Variants in RAPGEF4 observed in about 807,000 individuals in gnomAD.
The protein encoded by RAPGEF4 is RAP guanine-nucleotide-exchange factor (GEF) 4.
A neutral mutation model predicts 147.9 loss-of-function variants in RAPGEF4; 66 were observed. That is an observed-to-expected ratio of 0.45 (90% CI 0.37 to 0.55). The LOEUF is 0.55. Ranked by LOEUF, RAPGEF4 falls within the 20% of genes least tolerant of loss-of-function variation. The pLI is 0.00. For missense variants in RAPGEF4, 1,071 were observed against 1,257.3 expected (o/e 0.85, Z 2.24); for synonymous variants, 419 against 442.7 (o/e 0.95, Z 0.67).
In RAPGEF4 at chr2:172,826,374, T is replaced by C. The variant is rs578241019; in HGVS notation, c.444+11949T>C. ...TTACCAATAAGTTTTAATGAAACAG[T>C]TTTTCATTTTTAGGCCTTTGCTATT... On this transcript the variant is annotated intron_variant, in intron 4 of 30. Coordinates refer to ENST00000397081, the MANE Select transcript of RAPGEF4 (RefSeq NM_007023.4). 7.2e-5 allele frequency among the ~76,000 whole-genome samples: 11 copies of C among 152,354 alleles called. 1 individual carries two copies. Among genetic ancestry groups the C allele is most frequent in the African/African-American group, 2.6e-4 (11 of 41,588 alleles).
chr2:172,811,235 A>G lies in RAPGEF4; in HGVS notation c.298-3044A>G, dbSNP rs909105329. On this transcript the variant is annotated intron_variant, in intron 3 of 30. Transcript: ENST00000397081. The stretch of plus-strand genomic sequence containing the variant: ...TCGAGGTGGCACACTGCACAGAGCC[A>G]TCCAGAAAGCTACAGATGACATCAG... Among the ~76,000 whole-genome samples the G allele has an allele frequency of 7.9e-5, 12 of 152,376 alleles. 1 individual carries two copies. The highest frequency in any genetic ancestry group is 7.8e-4 in the Admixed American group (12 of 15,310).
chr2:172,897,679 G>A (rs1698629115), intron 4 of RAPGEF4, among the ~76,000 whole-genome samples: 1 of 150,802 alleles, frequency 6.6e-6, no homozygotes, highest in African/African-American at 2.5e-5. Context: ...TGGGATTACA[G>A]GCATGAGCCA....
At chr2:172,743,576 A>T in intron 1 of RAPGEF4, among the ~76,000 whole-genome samples, 1 of 152,322 alleles carries the variant, frequency 6.6e-6, no homozygotes, top group African/African-American at 2.4e-5. Flanking sequence ...TTTGTGGGGC[A>T]GACATTGTTT....
chr2:172,965,478 T>A, intron 8 of RAPGEF4, 84 bp from the exon 9 acceptor site: 1 of 1,457,702 alleles, frequency 6.9e-7, no homozygotes, highest in South Asian at 1.2e-5. Context: ...AGCCCTTTGG[T>A]AGGTTTTCCT....
chr2:172,991,050 C>G, intron 15 of RAPGEF4, 125 bp downstream of exon 15: 1 of 683,462 alleles, frequency 1.5e-6, no homozygotes, highest in South Asian at 1.8e-5. Flanking sequence ...CTTTTTTCCT[C>G]TCTATTGACT....
chr2:172,912,053 C>A (rs1023306356), intron 4 of RAPGEF4, among the ~76,000 whole-genome samples: 2 of 152,188 alleles, frequency 1.3e-5, no homozygotes, highest in African/African-American at 4.8e-5. Context: ...AGGTGTGGGC[C>A]ACCACACCCA....
rs780977868 is a variant in RAPGEF4 at position 172,988,686 on chromosome 2, T to C, written c.1228-7T>C. The C allele has an allele frequency of 3.4e-5, 54 of 1,610,178 alleles. 1 individual carries two copies. In the East Asian group the frequency reaches 1.1e-3, roughly 33 times the overall value. On this transcript the variant is annotated splice_region_variant and splice_polypyrimidine_tract_variant and intron_variant, in intron 13 of 30. Coordinates refer to ENST00000397081, the MANE Select transcript of RAPGEF4 (RefSeq NM_007023.4). ...TCTTCTTCATCTGTGTGCTCTACTC[T>C]ATCCAGGGTGTGGTCTGCACCCTGC...
At chr2:172,783,793 T>TGC (rs1684920539) in intron 1 of RAPGEF4, among the ~76,000 whole-genome samples, 1 of 150,918 alleles carries the variant, frequency 6.6e-6, no homozygotes, top group African/African-American at 2.4e-5. Context: ...TGTGTGTGTG[T>TGC]GGTGGGAGTG....
intron 1 of RAPGEF4, among the ~76,000 whole-genome samples, chr2:172,787,161 A>G (rs1222884101): frequency 6.6e-6 from 1 of 152,156 alleles, no homozygotes; most frequent in Admixed American, 6.5e-5. Flanking sequence ...GCGGTGAGCC[A>G]AGATTATGCC....
chr2:173,018,126 G>T (rs1695674497), intron 21 of RAPGEF4, among the ~76,000 whole-genome samples: 2 of 152,144 alleles, frequency 1.3e-5, no homozygotes, highest in African/African-American at 4.8e-5. Context: ...TGAGCCTCTG[G>T]GTGCCATATC....
chr2:172,761,678 A>G (rs1373995636), intron 1 of RAPGEF4, among the ~76,000 whole-genome samples: 2 of 152,220 alleles, frequency 1.3e-5, no homozygotes, highest in African/African-American at 4.8e-5. Flanking sequence ...AAGAAGGAAC[A>G]TGGAAAGAGT....
intron 6 of RAPGEF4, among the ~76,000 whole-genome samples, chr2:172,942,947 A>T (rs1470072762): frequency 1.3e-5 from 2 of 152,126 alleles, no homozygotes; most frequent in Non-Finnish European, 2.9e-5. Flanking sequence ...CAGTGGTCAC[A>T]TCTGGCTGGC....
chr2:172,948,762 T>C (rs557068673), intron 6 of RAPGEF4, among the ~76,000 whole-genome samples: 48 of 152,142 alleles, frequency 3.2e-4, no homozygotes, highest in Admixed American at 1.0e-3. Context: ...TGAGAATACA[T>C]GGACCCACAG....
intron 23 of RAPGEF4, among the ~76,000 whole-genome samples, chr2:173,024,318 C>A (rs1454297730): frequency 1.4e-5 from 2 of 145,292 alleles, no homozygotes; most frequent in East Asian, 4.1e-4. Flanking sequence ...CCCGGGTTCA[C>A]GCCATTCTCC....
chr2:173,018,613 A>C (rs1695725294), intron 21 of RAPGEF4, 43 bp from the exon 22 acceptor site: 1 of 1,545,600 alleles, frequency 6.5e-7, no homozygotes, highest in Non-Finnish European at 8.7e-7. Context: ...TTTATTGAAA[A>C]CTCTTAAGAG....
At chr2:173,026,946 A>T in intron 24 of RAPGEF4, 135 bp from the exon 25 acceptor site, 1 of 866,576 alleles carries the variant, frequency 1.2e-6, no homozygotes, top group Non-Finnish European at 1.7e-6. Context: ...TATTTAACAA[A>T]CCTCATGGAA....
chr2:173,007,703 A>T (rs1382431454), intron 17 of RAPGEF4, among the ~76,000 whole-genome samples: 1 of 152,224 alleles, frequency 6.6e-6, no homozygotes, highest in Non-Finnish European at 1.5e-5. Flanking sequence ...TAAGTAGGGA[A>T]GCCAGGATGG....
chr2:172,928,152 G>A (rs1685561381), intron 6 of RAPGEF4: 4 of 451,682 alleles, frequency 8.9e-6, no homozygotes, highest in South Asian at 3.1e-5. Flanking sequence ...AGAAAATACC[G>A]TGACTTCATG....
chr2:172,787,865 C>T (rs1685380615), intron 1 of RAPGEF4, among the ~76,000 whole-genome samples: 1 of 152,154 alleles, frequency 6.6e-6, no homozygotes, highest in Non-Finnish European at 1.5e-5. Context: ...AGCAACCCTC[C>T]CACCTTGGCC....
Sources: gnomAD v4.1 joint callset for allele counts (sites outside exome capture counted in the v4.1 genomes callset) on GRCh38, gnomAD v4.1.1 for gene constraint, MANE v1.5 for transcripts, NCBI Gene and HGNC (gene_info 2026-07-23, HGNC 2026-07-21) for gene names.